The following NFRKB variants were observed in gnomAD, a reference collection of about 807,000 sequenced individuals.
The protein encoded by NFRKB is nuclear factor related to kappa-B-binding protein.
NFRKB carries 62 observed loss-of-function variants against 135.7 expected under a neutral mutation model. The observed-to-expected ratio is 0.46, with a 90% CI of 0.37 to 0.56. The LOEUF (loss-of-function observed/expected upper bound fraction) is 0.56. NFRKB is among the 20% of genes least tolerant of loss of function. The pLI, the probability that NFRKB is intolerant of heterozygous loss-of-function variation, is 0.00. For synonymous variants in NFRKB, 678 were observed against 635.6 expected (o/e 1.07, Z -1.00); for missense variants, 1,545 against 1,662.0 (o/e 0.93, Z 1.22).
chr11:129,891,450 T>C (rs1240557070), intron 3 of NFRKB, among the ~76,000 whole-genome samples: 1 of 152,184 alleles, frequency 6.6e-6, no homozygotes, highest in Non-Finnish European at 1.5e-5. Context: ...GATCAGCTCA[T>C]TCAGATTCCT....
At position 129,864,688 on chromosome 11, in the gene NFRKB, A is replaced by C; in HGVS notation, c.*37T>G. ...GGTCCCTTCTCAGCCAGGACAGACC[A>C]GGCATGGTCTTTCACGGAAGCCATC... is the stretch of plus-strand genomic sequence containing the variant. On this transcript the variant is annotated 3_prime_UTR_variant, in exon 27 of 27. Coordinates refer to ENST00000682444, the MANE Select transcript of NFRKB (RefSeq NM_001143835.2). The C allele has an allele frequency of 6.2e-7, 1 of 1,613,562 alleles. No individual in the cohort carries two copies. Among genetic ancestry groups the C allele is most frequent in the Non-Finnish European group, 8.5e-7 (1 of 1,179,890 alleles).
At chr11:129,882,398 C>G (rs1949072802) in intron 10 of NFRKB, 53 bp downstream of exon 10, 1 of 1,593,078 alleles carries the variant, frequency 6.3e-7, no homozygotes, top group South Asian at 1.1e-5. Flanking sequence ...AGGGCACAGC[C>G]TATGGCTTAC....
In NFRKB at chr11:129,882,548, C is replaced by T. The variant is rs773172853; in HGVS notation, c.985G>A (p.Glu329Lys). The T allele has an allele frequency of 7.4e-6, 12 of 1,614,000 alleles. No individual in the cohort carries two copies. The highest frequency in any genetic ancestry group is 1.1e-5 in the South Asian group (1 of 91,084). ...AGCGGCTCGGCCAGGTCCTCTGCCT[C>T]TGATTTGATCGTTTTTATTTTCTTC... ...KKKKIKTIKS[E>K]AEDLAEPLSS... The change falls in exon 10 of 27, where the codon GAG becomes AAG. Residue 329 changes from glutamate to lysine, a missense_variant. Coordinates refer to ENST00000682444, the MANE Select transcript of NFRKB (RefSeq NM_001143835.2).
chr11:129,893,668 C>CAAATGCTA (rs1949660873), intron 2 of NFRKB, among the ~76,000 whole-genome samples: 1 of 152,104 alleles, frequency 6.6e-6, no homozygotes, highest in Non-Finnish European at 1.5e-5. Flanking sequence ...TGCTAACAGT[C>CAAATGCTA]ACTTTATGAG....
intron 11 of NFRKB, 25 bp downstream of exon 11, chr11:129,882,061 C>T: frequency 6.4e-7 from 1 of 1,572,592 alleles, no homozygotes; most frequent in Non-Finnish European, 8.6e-7. Flanking sequence ...CTCTAATGTA[C>T]CTCCAACTTT....
Position 129,878,625 on chromosome 11 carries a change from C to G in NFRKB, c.1385-82G>C, listed in dbSNP as rs1948886758. On this transcript the variant is annotated intron_variant, in intron 13 of 26. Transcript: ENST00000682444. The stretch of plus-strand genomic sequence containing the variant: ...CCTGCTTTCTCTTTACTAGCTGTAA[C>G]TACAACACAGAGAGATTCTATCAGG... 6.3e-6 allele frequency: 7 copies of G among 1,107,788 alleles called. No individual in the cohort carries two copies. In the South Asian group the frequency reaches 9.2e-5, roughly 15 times the overall value. 68.6% of individuals were successfully genotyped at this position (1,107,788 alleles called of 1,614,324 possible). A position where few individuals can be genotyped will look rare whatever the true frequency, so the allele number is the denominator to read the frequency against.
chr11:129,890,083 A>T (rs1340213715), intron 3 of NFRKB, among the ~76,000 whole-genome samples: 1 of 149,222 alleles, frequency 6.7e-6, no homozygotes, highest in East Asian at 2.0e-4. Context: ...GATCAAGGAC[A>T]GGGAGGGAGG....
chr11:129,886,742 T>C (rs749483001), intron 4 of NFRKB, among the ~76,000 whole-genome samples: 1 of 152,276 alleles, frequency 6.6e-6, no homozygotes, highest in Middle Eastern at 3.4e-3. Flanking sequence ...TGCCTTGACA[T>C]TCCTCATCTG....
chr11:129,882,182 G>A lies in NFRKB; in HGVS notation c.1095C>T (p.Asp365=). The change falls in exon 11 of 27, where the codon GAC becomes GAT. Residue 365 remains aspartate (D), a synonymous_variant. Transcript: ENST00000682444. ...IPAIKEEPLE[D]LKPCLGINEI... ...CATTGATTCCAAGGCAAGGCTTGAG[G>A]TCTTCAAGGGGCCTAATGAGGGAAG... is the stretch of plus-strand genomic sequence containing the variant. 1 of 1,609,662 alleles carries A rather than the reference G, an allele frequency of 6.2e-7. No individual in the cohort carries two copies. Among genetic ancestry groups the A allele is most frequent in the Admixed American group, 1.7e-5 (1 of 58,686 alleles).
At chr11:129,872,005 C>T (rs1274310828) in intron 23 of NFRKB, among the ~76,000 whole-genome samples, 1 of 152,322 alleles carries the variant, frequency 6.6e-6, no homozygotes, top group East Asian at 1.9e-4. Context: ...AAAACATCTG[C>T]ACTTGCCATT....
chr11:129,888,637 G>C lies in NFRKB; in HGVS notation c.294C>G (p.Phe98Leu). The change falls in exon 4 of 27, where the codon TTC (phenylalanine) becomes TTG (leucine). Residue 98 changes from phenylalanine (F) to leucine (L), a missense_variant. Phe to Leu is a conservative substitution (Grantham distance 22). This residue lies in a region of NFRKB where 678 missense variants were observed against 646.7 expected (regional missense o/e 1.05). Transcript: ENST00000682444. ...LILALFSGEN[F>L]RFGNPLHIAQ... The stretch of plus-strand genomic sequence containing the variant: ...CAATGTGCAGAGGGTTTCCAAAGCG[G>C]AAGTTCTCCCCACTGAACAAGGCTA... The C allele has an allele frequency of 6.2e-7, 1 of 1,614,166 alleles. No homozygotes were observed. The highest frequency in any genetic ancestry group is 2.2e-5 in the East Asian group (1 of 44,876).
chr11:129,881,837 A>G lies in NFRKB; in HGVS notation c.1208T>C (p.Leu403Ser). ...ASLPMLEERVLDWQSSPASSL... is the reference protein window; with the variant it reads ...ASLPMLEERVSDWQSSPASSL... ...GCTGGCTGGCGATGACTGCCAATCC[A>G]AAACTCGCTCCTCTAGCTGAGGGAA... Residue 403 changes from leucine (L) to serine (S), a missense_variant, in exon 12 of 27, where the codon TTG (leucine) becomes TCG (serine). Physicochemically the swap from Leu to Ser is moderately radical, Grantham distance 145. Coordinates refer to ENST00000682444, the MANE Select transcript of NFRKB (RefSeq NM_001143835.2). 1.2e-6 allele frequency: 2 copies of G among 1,608,372 alleles called. No individual in the cohort carries two copies.
rs1024939309 is a variant in NFRKB, at chr11:129,881,971, G to A, written c.1191+115C>T. On this transcript the variant is annotated intron_variant, in intron 11 of 26. Coordinates refer to ENST00000682444, the MANE Select transcript of NFRKB (RefSeq NM_001143835.2). The stretch of plus-strand genomic sequence containing the variant: ...GGTGTTTGTCCGAATCACAAAGCAA[G>A]TTAACTACAGAGCGTTGAGAGGAAC... 25 of 1,477,502 alleles carry A rather than the reference G, an allele frequency of 1.7e-5. No individual in the cohort carries two copies. The African/African-American group carries it at 3.4e-4, about 20-fold the overall frequency. 91.5% of individuals were successfully genotyped at this position (1,477,502 alleles called of 1,614,324 possible). A position where few individuals can be genotyped will look rare whatever the true frequency, so the allele number is the denominator to read the frequency against.
At chr11:129,893,467 G>T in intron 2 of NFRKB, 1 of 259,786 alleles carries the variant, frequency 3.8e-6, no homozygotes, top group Middle Eastern at 1.7e-3. Context: ...GGCTGAGGTG[G>T]GAGGATCGCT....
In NFRKB at chr11:129,882,642, A is replaced by G; in HGVS notation, c.902-11T>C. 1 of 1,612,022 alleles carries G rather than the reference A, an allele frequency of 6.2e-7. No homozygotes were observed. The highest frequency in any genetic ancestry group is 8.5e-7 in the Non-Finnish European group (1 of 1,179,304). On this transcript the variant is annotated splice_polypyrimidine_tract_variant and intron_variant, in intron 9 of 26. Coordinates refer to ENST00000682444, the MANE Select transcript of NFRKB (RefSeq NM_001143835.2). ...CCAAGTCATATAAGGCTAGAAAGGCAAAGTAACACCAGTCACAGAAATGTA... is the reference window on the plus strand; with the variant it reads ...CCAAGTCATATAAGGCTAGAAAGGCGAAGTAACACCAGTCACAGAAATGTA...
intron 4 of NFRKB, chr11:129,888,303 G>T (rs950568865): frequency 6.6e-6 from 4 of 602,646 alleles, no homozygotes; most frequent in Non-Finnish European, 1.2e-5. Context: ...GACCAGACAT[G>T]AAGGGCACCT....
At chr11:129,884,608 C>T (rs1445228328) in intron 7 of NFRKB, 137 bp downstream of exon 7, 1 of 1,004,990 alleles carries the variant, frequency 1.0e-6, no homozygotes, top group Non-Finnish European at 1.5e-6. Context: ...AAAACTTTGC[C>T]AAACAAATCA....
Position 129,865,178 on chromosome 11 carries a change from A to G in NFRKB, c.3639-77T>C, listed in dbSNP as rs1339147580. On this transcript the variant is annotated intron_variant, in intron 25 of 26. Transcript: ENST00000682444. ...GGCCCAGATTTAGGCCATGTATTGA[A>G]GGACAACAGGGAGGTCTGTGCCAAT... is the stretch of plus-strand genomic sequence containing the variant. 2.7e-5 allele frequency: 42 copies of G among 1,531,790 alleles called. No homozygotes were observed. The East Asian group carries it at 9.4e-4, about 34-fold the overall frequency. 94.9% of individuals were successfully genotyped at this position (1,531,790 alleles called of 1,614,324 possible).
chr11:129,877,525 C>A, intron 15 of NFRKB, 140 bp from the exon 16 acceptor site: 1 of 771,992 alleles, frequency 1.3e-6, no homozygotes. Flanking sequence ...GGCGAAGAGC[C>A]CACCTTCCAG....
Sources: allele counts gnomAD v4.1 joint callset (sites outside exome capture counted in the v4.1 genomes callset), GRCh38; gene constraint gnomAD v4.1.1; regional missense constraint gnomAD v4.1.1; transcripts MANE v1.5; gene names NCBI Gene and HGNC (gene_info 2026-07-23, HGNC 2026-07-21).